The following TMC7 variants were observed in gnomAD, a reference collection of about 807,000 sequenced individuals.
TMC7 encodes transmembrane channel like 7.
Under a neutral mutation model 82.9 loss-of-function variants are expected in TMC7, and 54 were observed. The observed-to-expected ratio is 0.65, with a 90% CI of 0.52 to 0.82. The LOEUF (loss-of-function observed/expected upper bound fraction) is 0.82, where lower values mean the gene tolerates loss of function less well. TMC7 is among the 40% of genes least tolerant of loss of function. TMC7 has a pLI of 0.00. For missense variants in TMC7, 820 were observed against 901.2 expected (o/e 0.91, Z 1.15); for synonymous variants, 350 against 337.9 (o/e 1.04, Z -0.39).
chr16:19,022,752 G>T lies in TMC7; in HGVS notation c.629-361G>T, dbSNP rs1960038031. On this transcript the variant is annotated intron_variant, in intron 4 of 15. Transcript: ENST00000304381. ...GTGAAAAACAGGCAGGCTGTGGCCG[G>T]GTCCGGGGGCTCACGCCTGTAATCC... Among the ~76,000 whole-genome samples, 2 of 152,220 alleles carry T rather than the reference G, an allele frequency of 1.3e-5. 1 individual carries two copies. The highest frequency in any genetic ancestry group is 4.1e-4 in the South Asian group (2 of 4,832).
chr16:19,014,078 G>A (rs1173937103), intron 2 of TMC7, among the ~76,000 whole-genome samples: 1 of 150,926 alleles, frequency 6.6e-6, no homozygotes, highest in East Asian at 2.0e-4. Context: ...GTGTTAGCCA[G>A]GATGGTCTTG....
At position 19,051,802 on chromosome 16, in the gene TMC7, A is replaced by G. The variant is rs149808060; in HGVS notation, c.1857A>G (p.Thr619=). The part of the protein sequence containing the change: ...IGLCLAIIPL[T]ISISRIPSSK... ...TGTGTTTGGCAATAATACCTCTGAC[A>G]ATCAGCATATCACGGTAAATGTGAC... Residue 619 remains threonine, a synonymous_variant, in exon 13 of 16, where the codon ACA becomes ACG. Transcript: ENST00000304381. 1.9e-4 allele frequency: 310 copies of G among 1,614,002 alleles called. No homozygotes were observed. The highest frequency in any genetic ancestry group is 2.5e-4 in the Non-Finnish European group (291 of 1,180,026).
At chr16:19,020,440 G>T (rs1596751621) in intron 3 of TMC7, among the ~76,000 whole-genome samples, 1 of 152,148 alleles carries the variant, frequency 6.6e-6, no homozygotes, top group South Asian at 2.1e-4. Context: ...TAATTAAAAA[G>T]AACTATTAAT....
intron 5 of TMC7, among the ~76,000 whole-genome samples, chr16:19,028,510 T>C (rs1960340724): frequency 6.6e-6 from 1 of 152,182 alleles, no homozygotes; most frequent in African/African-American, 2.4e-5. Context: ...AGGATCAGCT[T>C]GTCAGTTTTT....
chr16:19,022,407 A>G (rs1960021787), intron 4 of TMC7, among the ~76,000 whole-genome samples: 1 of 152,244 alleles, frequency 6.6e-6, no homozygotes, highest in African/African-American at 2.4e-5. Flanking sequence ...TGGACCACAT[A>G]TGCAATGGTG....
chr16:19,020,492 A>G (rs1381672167), intron 3 of TMC7, among the ~76,000 whole-genome samples: 3 of 152,242 alleles, frequency 2.0e-5, no homozygotes, highest in Non-Finnish European at 4.4e-5. Context: ...GTGTCTCTAT[A>G]TAAAATGAAT....
intron 9 of TMC7, among the ~76,000 whole-genome samples, chr16:19,041,527 G>A (rs1457910389): frequency 6.6e-6 from 1 of 152,070 alleles, no homozygotes; most frequent in East Asian, 1.9e-4. Flanking sequence ...CACCATGCCT[G>A]GCTAATTTTT....
intron 15 of TMC7, chr16:19,059,999 G>A (rs1265213203): frequency 3.3e-6 from 1 of 299,428 alleles, no homozygotes; most frequent in Non-Finnish European, 6.5e-6. Context: ...AAAAAAAGAT[G>A]TGTATTAAGT....
chr16:18,998,551 G>A (rs186093565), intron 1 of TMC7, among the ~76,000 whole-genome samples: 2 of 152,112 alleles, frequency 1.3e-5, no homozygotes, highest in African/African-American at 2.4e-5. Context: ...TCAGGAGATC[G>A]AGACCATCCT....
intron 7 of TMC7, among the ~76,000 whole-genome samples, chr16:19,037,532 G>A (rs989610961): frequency 3.4e-5 from 5 of 147,272 alleles, no homozygotes; most frequent in African/African-American, 1.0e-4. Flanking sequence ...GTACAGTGAC[G>A]TGATCATACA....
intron 1 of TMC7, among the ~76,000 whole-genome samples, chr16:19,002,384 C>T (rs900016744): frequency 6.6e-6 from 1 of 152,060 alleles, no homozygotes; most frequent in African/African-American, 2.4e-5. Flanking sequence ...TACAGGCATG[C>T]ATCACCACGC....
At chr16:19,056,936 A>G (rs1308813997) in intron 14 of TMC7, among the ~76,000 whole-genome samples, 2 of 150,934 alleles carry the variant, frequency 1.3e-5, no homozygotes, top group Non-Finnish European at 2.9e-5. Context: ...ACCAGCCTGG[A>G]CAGCACAGGG....
chr16:19,034,176 A>C (rs574639606), intron 6 of TMC7, among the ~76,000 whole-genome samples: 1 of 152,356 alleles, frequency 6.6e-6, no homozygotes, highest in East Asian at 1.9e-4. Context: ...TATATAGTCC[A>C]TATAAAGGTG....
chr16:19,030,431 T>C (rs1180258781), intron 6 of TMC7, 62 bp downstream of exon 6: 9 of 1,538,906 alleles, frequency 5.8e-6, no homozygotes, highest in East Asian at 4.6e-5. Flanking sequence ...ATTGGAGATA[T>C]GGGAGCTCTG....
chr16:19,057,411 T>C lies in TMC7; in HGVS notation c.2027+714T>C, dbSNP rs1277086397. 5.3e-5 allele frequency among the ~76,000 whole-genome samples: 8 copies of C among 152,230 alleles called. No homozygotes were observed. In the East Asian group the frequency reaches 1.5e-3, roughly 29 times the overall value. On this transcript the variant is annotated intron_variant, in intron 14 of 15. Coordinates refer to ENST00000304381, the MANE Select transcript of TMC7 (RefSeq NM_024847.4). ...TAAGCCATGAATAACTGGCATTAAT[T>C]GTACCTTGCATGTACTAACTCATGA... is the stretch of plus-strand genomic sequence containing the variant.
At chr16:19,022,478 G>A (rs915018032) in intron 4 of TMC7, among the ~76,000 whole-genome samples, 2 of 152,094 alleles carry the variant, frequency 1.3e-5, no homozygotes, top group African/African-American at 2.4e-5. Flanking sequence ...GATATGTTTA[G>A]ATACACAAAT....
chr16:19,036,730 A>C (rs914933034), intron 7 of TMC7, among the ~76,000 whole-genome samples: 1 of 152,118 alleles, frequency 6.6e-6, no homozygotes, highest in African/African-American at 2.4e-5. Flanking sequence ...AAAAAAGTAC[A>C]TGAGAGTTTC....
chr16:19,029,405 A>G (rs966022678), intron 5 of TMC7, among the ~76,000 whole-genome samples: 1 of 151,670 alleles, frequency 6.6e-6, no homozygotes, highest in Admixed American at 6.6e-5. Context: ...TTGGCTTGTT[A>G]TATTTGCTTT....
At chr16:19,051,403 TC>T (rs1356225652) in intron 12 of TMC7, among the ~76,000 whole-genome samples, 1 of 116,236 alleles carries the variant, frequency 8.6e-6, no homozygotes, top group African/African-American at 3.2e-5. Context: ...CCCTCCCCCC[TC>T]CCCCCACACC....
Sources: allele counts gnomAD v4.1 joint callset (sites outside exome capture counted in the v4.1 genomes callset), GRCh38; gene constraint gnomAD v4.1.1; transcripts MANE v1.5; gene names NCBI Gene and HGNC (gene_info 2026-07-23, HGNC 2026-07-21).